Variants in KCNT2 observed in about 807,000 individuals in gnomAD.
KCNT2 encodes the protein potassium channel subfamily T member 2.
Under a neutral mutation model 153.8 loss-of-function variants are expected in KCNT2, and 67 were observed. The observed-to-expected ratio is 0.44, with a 90% confidence interval of 0.36 to 0.53. The LOEUF is 0.53. Among genes scored for constraint, KCNT2 ranks in the 20% least tolerant of loss-of-function variants. The pLI, the probability that KCNT2 is intolerant of heterozygous loss-of-function variation, is 0.00. For missense variants in KCNT2, 975 were observed against 1,354.8 expected (o/e 0.72, Z 4.40); for synonymous variants, 500 against 458.8 (o/e 1.09, Z -1.15).
intron 8 of KCNT2, among the ~76,000 whole-genome samples, chr1:196,448,486 A>T (rs1236394275): frequency 6.6e-6 from 1 of 151,552 alleles, no homozygotes; most frequent in Non-Finnish European, 1.5e-5. Flanking sequence ...CTAACTATGT[A>T]TTTACTCTCT....
chr1:196,531,277 C>A (rs1454357313), intron 1 of KCNT2, among the ~76,000 whole-genome samples: 1 of 151,980 alleles, frequency 6.6e-6, no homozygotes, highest in Non-Finnish European at 1.5e-5. Context: ...GCAGAATCCC[C>A]TCACAGACTT....
intron 22 of KCNT2, among the ~76,000 whole-genome samples, chr1:196,286,995 T>TC (rs1366932158): frequency 4.6e-5 from 7 of 152,028 alleles, no homozygotes; most frequent in African/African-American, 1.7e-4. Flanking sequence ...AGCTCCTGTT[T>TC]CTAATGTAAT....
At chr1:196,451,558 T>C (rs1429459113) in intron 8 of KCNT2, among the ~76,000 whole-genome samples, 1 of 151,008 alleles carries the variant, frequency 6.6e-6, no homozygotes, top group African/African-American at 2.4e-5. Context: ...GCCAGTCCTC[T>C]TTCTTTTCAT....
At chr1:196,347,131 G>A (rs1439233046) in intron 14 of KCNT2, among the ~76,000 whole-genome samples, 4 of 152,086 alleles carry the variant, frequency 2.6e-5, no homozygotes, top group Non-Finnish European at 5.9e-5. Flanking sequence ...CATTCAGTGT[G>A]AATGTTGCTG....
At position 196,348,875 on chromosome 1, in the gene KCNT2, AC is replaced by A. The variant is rs928010439; in HGVS notation, c.1404-6648del. On this transcript the variant is annotated intron_variant, in intron 14 of 27. Transcript: ENST00000294725. ...ACCCTGTCTCTACGAAAAATACAAA[AC>A]AAAACAAAACAAAAAAAATGCCTGG... 2.4e-4 allele frequency among the ~76,000 whole-genome samples: 36 copies of A among 152,088 alleles called. 1 individual carries two copies. The highest frequency in any genetic ancestry group is 8.7e-4 in the African/African-American group (36 of 41,510).
chr1:196,250,170 G>A (rs905615474), intron 26 of KCNT2, among the ~76,000 whole-genome samples: 1 of 151,936 alleles, frequency 6.6e-6, no homozygotes, highest in Non-Finnish European at 1.5e-5. Flanking sequence ...AAAACTGGCA[G>A]AATCACATTA....
chr1:196,426,522 T>C (rs1389210998), intron 10 of KCNT2, among the ~76,000 whole-genome samples: 1 of 151,912 alleles, frequency 6.6e-6, no homozygotes, highest in Non-Finnish European at 1.5e-5. Flanking sequence ...TAAATGAACA[T>C]GATATCAAAA....
At chr1:196,578,091 T>C (rs1661582180) in intron 1 of KCNT2, among the ~76,000 whole-genome samples, 2 of 152,186 alleles carry the variant, frequency 1.3e-5, no homozygotes, top group South Asian at 2.1e-4. Context: ...TAGTAGCTCA[T>C]TGATATAGTA....
At chr1:196,341,809 T>C (rs896335171) in intron 15 of KCNT2, among the ~76,000 whole-genome samples, 1 of 152,092 alleles carries the variant, frequency 6.6e-6, no homozygotes, top group Non-Finnish European at 1.5e-5. Context: ...TTCATATGTA[T>C]GTAAATTCTT....
intron 12 of KCNT2, among the ~76,000 whole-genome samples, chr1:196,413,634 A>G (rs1203430054): frequency 6.6e-6 from 1 of 151,712 alleles, no homozygotes; most frequent in Non-Finnish European, 1.5e-5. Flanking sequence ...AATAACATTA[A>G]TCTAGAATAG....
intron 8 of KCNT2, among the ~76,000 whole-genome samples, chr1:196,462,235 A>G (rs1572537380): frequency 1.3e-5 from 2 of 151,656 alleles, no homozygotes; most frequent in Non-Finnish European, 3.0e-5. Context: ...TTTATCTGTC[A>G]TGTTACACTA....
intron 1 of KCNT2, among the ~76,000 whole-genome samples, chr1:196,546,203 T>C (rs950424343): frequency 2.0e-5 from 3 of 152,138 alleles, no homozygotes; most frequent in Admixed American, 6.6e-5. Flanking sequence ...ATGCTAAATA[T>C]TATTCTTCTA....
chr1:196,256,702 T>C (rs561650633), intron 26 of KCNT2, among the ~76,000 whole-genome samples: 2 of 146,818 alleles, frequency 1.4e-5, no homozygotes, highest in Non-Finnish European at 3.0e-5. Flanking sequence ...CAGGTGATTA[T>C]CATGGAAATA....
intron 25 of KCNT2, among the ~76,000 whole-genome samples, chr1:196,262,357 G>T (rs1047984513): frequency 1.3e-5 from 2 of 151,930 alleles, no homozygotes; most frequent in African/African-American, 4.8e-5. Context: ...CTGGACTCAT[G>T]ACTCCCTTAA....
chr1:196,327,547 C>A (rs1406370796), intron 18 of KCNT2, among the ~76,000 whole-genome samples: 1 of 151,992 alleles, frequency 6.6e-6, no homozygotes, highest in Non-Finnish European at 1.5e-5. Context: ...ATTATCTGCA[C>A]GGAGAACTGT....
chr1:196,573,136 A>G (rs1419614112), intron 1 of KCNT2, among the ~76,000 whole-genome samples: 1 of 151,800 alleles, frequency 6.6e-6, no homozygotes, highest in Non-Finnish European at 1.5e-5. Context: ...AGTGTATTAT[A>G]TTTAACTTCA....
At position 196,362,402 on chromosome 1, in the gene KCNT2, C is replaced by T. The variant is rs551064042; in HGVS notation, c.1403+10738G>A. 2.4e-4 allele frequency among the ~76,000 whole-genome samples: 37 copies of T among 152,028 alleles called. No homozygotes were observed. In the South Asian group the frequency reaches 6.2e-3, roughly 26 times the overall value. On this transcript the variant is annotated intron_variant, in intron 14 of 27. Transcript: ENST00000294725. Reference sequence around the variant, plus strand: ...GTTTAGAATTGGAGATTCTGGATGCCGGAGCATGACAGACAAGGAAGATCT... The same window carrying T: ...GTTTAGAATTGGAGATTCTGGATGCTGGAGCATGACAGACAAGGAAGATCT...
chr1:196,508,404 C>G lies in KCNT2; in HGVS notation c.96-16063G>C, dbSNP rs187221170. ...ACATAAAGTATGTATAAAATTTCTG[C>G]CCTAGGAAGATAAGAGTATAAACCA... On this transcript the variant is annotated intron_variant, in intron 1 of 27. Coordinates refer to ENST00000294725, the MANE Select transcript of KCNT2 (RefSeq NM_198503.5). Among the ~76,000 whole-genome samples, 47 of 152,002 alleles carry G rather than the reference C, an allele frequency of 3.1e-4. No individual in the cohort carries two copies. In the East Asian group the frequency reaches 8.9e-3, roughly 29 times the overall value.
chr1:196,315,446 C>T (rs1050644719), intron 21 of KCNT2, among the ~76,000 whole-genome samples: 1 of 151,534 alleles, frequency 6.6e-6, no homozygotes, highest in Non-Finnish European at 1.5e-5. Flanking sequence ...GACAGGAAAA[C>T]AGTGAAAATG....
Sources: gnomAD v4.1 joint callset for allele counts (sites outside exome capture counted in the v4.1 genomes callset) on GRCh38, gnomAD v4.1.1 for gene constraint, MANE v1.5 for transcripts, NCBI Gene and HGNC (gene_info 2026-07-23, HGNC 2026-07-21) for gene names.